STXBP5L: variants seen among roughly 807,000 people sequenced by gnomAD.
The protein encoded by STXBP5L is syntaxin binding protein 5L, also known as syntaxin-binding protein 5-like.
In STXBP5L, 65 loss-of-function variants were observed where a neutral mutation model predicts 144.5. The observed-to-expected ratio is 0.45, with a 90% CI of 0.37 to 0.55. The LOEUF is 0.55. STXBP5L is among the 20% of genes least tolerant of loss of function. STXBP5L has a pLI of 0.00. For missense variants in STXBP5L, 1,298 were observed against 1,405.5 expected (o/e 0.92, Z 1.22); for synonymous variants, 505 against 469.6 (o/e 1.08, Z -0.97).
Position 121,097,488 on chromosome 3 carries a change from G to T in STXBP5L, c.471-17437G>T, listed in dbSNP as rs369214589. 5.3e-5 allele frequency among the ~76,000 whole-genome samples: 8 copies of T among 152,314 alleles called. No homozygotes were observed. The East Asian group carries it at 1.2e-3, about 22-fold the overall frequency. On this transcript the variant is annotated intron_variant, in intron 5 of 26. Coordinates refer to ENST00000471454, the MANE Select transcript of STXBP5L (RefSeq NM_001308330.2). Reference sequence around the variant, plus strand: ...TGGTCTGCGGGGTTGCAAAGACCATGGGACAAATGCAGTATCTGGGCTGGA... The same window carrying T: ...TGGTCTGCGGGGTTGCAAAGACCATTGGACAAATGCAGTATCTGGGCTGGA...
intron 22 of STXBP5L, among the ~76,000 whole-genome samples, chr3:121,395,279 T>C (rs1005137452): frequency 1.3e-5 from 2 of 152,316 alleles, no homozygotes; most frequent in African/African-American, 4.8e-5. Flanking sequence ...ACTCTTCTAT[T>C]TCACATAAGA....
chr3:121,146,861 G>A (rs565551741), intron 7 of STXBP5L, among the ~76,000 whole-genome samples: 24 of 152,106 alleles, frequency 1.6e-4, no homozygotes, highest in African/African-American at 4.6e-4. Context: ...ATGGTACCAC[G>A]TTAACTAAAA....
At chr3:121,417,371 C>T (rs1361090673) in intron 25 of STXBP5L, among the ~76,000 whole-genome samples, 5 of 152,098 alleles carry the variant, frequency 3.3e-5, no homozygotes, top group Non-Finnish European at 4.4e-5. Flanking sequence ...TCCATCCACT[C>T]TTATTTTAAA....
rs2051258788 is a variant in STXBP5L at position 121,287,114 on chromosome 3, A to G, written c.2110+7158A>G. Among the ~76,000 whole-genome samples, 4 of 152,358 alleles carry G rather than the reference A, an allele frequency of 2.6e-5. No homozygotes were observed. In the South Asian group the frequency reaches 8.3e-4, roughly 32 times the overall value. On this transcript the variant is annotated intron_variant, in intron 19 of 26. Coordinates refer to ENST00000471454, the MANE Select transcript of STXBP5L (RefSeq NM_001308330.2). ...GGTAAAGAGCCATCTGAAAGGATTA[A>G]AGGAAACAGTGCCCAACACTCAAAT...
chr3:120,965,940 C>T (rs546235626), intron 3 of STXBP5L, among the ~76,000 whole-genome samples: 1 of 152,338 alleles, frequency 6.6e-6, no homozygotes, highest in African/African-American at 2.4e-5. Context: ...GGTCTCTTCA[C>T]ATAGTCCCAT....
At chr3:120,971,122 T>G (rs1321980636) in intron 3 of STXBP5L, among the ~76,000 whole-genome samples, 26 of 152,148 alleles carry the variant, frequency 1.7e-4, no homozygotes. Flanking sequence ...AGGTTCCAGA[T>G]TGAGCATCTG....
intron 19 of STXBP5L, among the ~76,000 whole-genome samples, chr3:121,290,212 T>A (rs769229751): frequency 5.9e-5 from 9 of 151,766 alleles, no homozygotes; most frequent in Non-Finnish European, 1.2e-4. Context: ...TAGAAACAAA[T>A]GGGAAATATT....
At chr3:121,123,934 A>G (rs1265981991) in intron 7 of STXBP5L, among the ~76,000 whole-genome samples, 1 of 151,738 alleles carries the variant, frequency 6.6e-6, no homozygotes, top group Non-Finnish European at 1.5e-5. Context: ...TATTCAGTAA[A>G]TATTTCCCTA....
At chr3:121,153,277 TAAG>T (rs1320808863) in intron 8 of STXBP5L, among the ~76,000 whole-genome samples, 5 of 152,036 alleles carry the variant, frequency 3.3e-5, no homozygotes, top group Admixed American at 1.3e-4. Context: ...AAGAGGCTAA[TAAG>T]AAGACCGTAA....
chr3:121,301,507 T>C (rs2051905890), intron 19 of STXBP5L, among the ~76,000 whole-genome samples: 2 of 152,156 alleles, frequency 1.3e-5, no homozygotes, highest in Admixed American at 1.3e-4. Flanking sequence ...GCAATTTGAC[T>C]TCCTCTTTTC....
chr3:120,976,653 A>G (rs1941061791), intron 3 of STXBP5L, among the ~76,000 whole-genome samples: 1 of 151,774 alleles, frequency 6.6e-6, no homozygotes, highest in Admixed American at 6.6e-5. Context: ...TCAATTTTGG[A>G]TCTTTCCTGC....
At chr3:121,114,423 C>G (rs1385516253) in intron 5 of STXBP5L, among the ~76,000 whole-genome samples, 1 of 152,022 alleles carries the variant, frequency 6.6e-6, no homozygotes, top group African/African-American at 2.4e-5. Flanking sequence ...TGTTTTGAAG[C>G]AAATATGACC....
At chr3:121,075,713 C>T (rs2041992068) in intron 5 of STXBP5L, among the ~76,000 whole-genome samples, 2 of 152,226 alleles carry the variant, frequency 1.3e-5, no homozygotes, top group South Asian at 2.1e-4. Context: ...CTGATATTGG[C>T]CTTTTTCCCT....
chr3:121,300,218 C>A (rs2051835033), intron 19 of STXBP5L, among the ~76,000 whole-genome samples: 1 of 151,930 alleles, frequency 6.6e-6, no homozygotes, highest in Non-Finnish European at 1.5e-5. Context: ...AATTCTATAT[C>A]TAGCAAAAAT....
At chr3:121,338,735 A>G (rs191327283) in intron 20 of STXBP5L, among the ~76,000 whole-genome samples, 136 of 152,160 alleles carry the variant, frequency 8.9e-4, no homozygotes, top group Middle Eastern at 3.4e-3. Context: ...ATACCACAGG[A>G]ATACAAAAGA....
intron 9 of STXBP5L, among the ~76,000 whole-genome samples, chr3:121,173,664 A>T (rs935536373): frequency 3.9e-5 from 6 of 152,108 alleles, no homozygotes; most frequent in Admixed American, 3.9e-4. Flanking sequence ...AGAGAAAAGA[A>T]AATGTTATTA....
At position 121,269,441 on chromosome 3, in the gene STXBP5L, A is replaced by G. The variant is rs187108999; in HGVS notation, c.1958+10273A>G. ...TGTGTGTGTGTATATATATATATGT[A>G]TATATATATATAGACAGAAAATAGT... is the stretch of plus-strand genomic sequence containing the variant. On this transcript the variant is annotated intron_variant, in intron 18 of 26. Coordinates refer to ENST00000471454, the MANE Select transcript of STXBP5L (RefSeq NM_001308330.2). Among the ~76,000 whole-genome samples the G allele has an allele frequency of 7.2e-3, 1,082 of 150,706 alleles. 10 individuals are homozygous for G. Among genetic ancestry groups the G allele is most frequent in the Middle Eastern group, 0.021 (6 of 292 alleles).
intron 2 of STXBP5L, among the ~76,000 whole-genome samples, chr3:120,952,472 T>A (rs1392974865): frequency 6.6e-6 from 1 of 152,096 alleles, no homozygotes; most frequent in African/African-American, 2.4e-5. Context: ...TTTTGGATAG[T>A]TTATTGTTAG....
In STXBP5L at chr3:121,003,102, C is replaced by G. The variant is rs1943930612; in HGVS notation, c.288-38598C>G. 2.6e-5 allele frequency among the ~76,000 whole-genome samples: 4 copies of G among 152,156 alleles called. No homozygotes were observed. The South Asian group carries it at 8.3e-4, about 31-fold the overall frequency. On this transcript the variant is annotated intron_variant, in intron 3 of 26. Transcript: ENST00000471454. Reference sequence around the variant, plus strand: ...GGGATGGCTGGGTCAAATGGTATTTCTAGTTCTAGATCCCCGAGGAATTGC... The same window carrying G: ...GGGATGGCTGGGTCAAATGGTATTTGTAGTTCTAGATCCCCGAGGAATTGC...
Sources: gnomAD v4.1 joint callset for allele counts (sites outside exome capture counted in the v4.1 genomes callset) on GRCh38, gnomAD v4.1.1 for gene constraint, MANE v1.5 for transcripts, NCBI Gene and HGNC (gene_info 2026-07-23, HGNC 2026-07-21) for gene names.